The following USP35 variants were observed in gnomAD, a reference collection of about 807,000 sequenced individuals.
USP35 encodes ubiquitin carboxyl-terminal hydrolase 35.
In USP35, 69 loss-of-function variants were observed where a neutral mutation model predicts 83.8. That is an observed-to-expected ratio of 0.82 (90% CI 0.68 to 1.01). The LOEUF (loss-of-function observed/expected upper bound fraction) is 1.01, where lower values mean the gene tolerates loss of function less well. Among genes scored for constraint, USP35 ranks in the 50% least tolerant of loss-of-function variants. The pLI is 0.00. For synonymous variants in USP35, 714 were observed against 589.5 expected (o/e 1.21, Z -3.06); for missense variants, 1,503 against 1,362.5 (o/e 1.10, Z -1.62).
Position 78,215,015 on chromosome 11 carries a change from CAATGTCACAGACCCTCAA to C in USP35, c.*1203_*1220del, listed in dbSNP as rs1197771122. On this transcript the variant is annotated 3_prime_UTR_variant, in exon 11 of 11. Transcript: ENST00000529308. Reference sequence around the variant, plus strand: ...GTGATGGTGGTGTGGAGTTTGGGCCCAATGTCACAGACCCTCAAGATGTCACATCTAAGTGACCTGTGA... The same window carrying C: ...GTGATGGTGGTGTGGAGTTTGGGCCCGATGTCACATCTAAGTGACCTGTGA... Among the ~76,000 whole-genome samples the C allele has an allele frequency of 3.3e-5, 5 of 152,056 alleles. No homozygotes were observed. Among genetic ancestry groups the C allele is most frequent in the Non-Finnish European group, 7.3e-5 (5 of 68,034 alleles).
chr11:78,223,681 G>A, the USP35 span: 2 of 1,583,544 alleles, frequency 1.3e-6, no homozygotes, highest in African/African-American at 1.4e-5. Context: ...CCCTGGCTAG[G>A]GAGAGGAACA....
At chr11:78,225,739 T>C in the USP35 span, among the ~76,000 whole-genome samples, 1 of 152,214 alleles carries the variant, frequency 6.6e-6, no homozygotes, top group Non-Finnish European at 1.5e-5. Context: ...ACAATGACTC[T>C]GCAACTCTAT....
the USP35 span, chr11:78,221,978 A>C: frequency 5.4e-6 from 4 of 734,282 alleles, no homozygotes; most frequent in South Asian, 6.2e-5. Flanking sequence ...AGACATCGAG[A>C]CATGATCAGC....
At chr11:78,192,176 T>A (rs1863025601) in intron 1 of USP35, among the ~76,000 whole-genome samples, 1 of 152,226 alleles carries the variant, frequency 6.6e-6, no homozygotes, top group Non-Finnish European at 1.5e-5. Flanking sequence ...ACCATGACTT[T>A]GAAGCAGAAA....
rs1863620729 is a variant in USP35, at chr11:78,208,864, C to A, written c.1493C>A (p.Ala498Asp). The A allele has an allele frequency of 6.2e-7, 1 of 1,614,160 alleles. No individual in the cohort carries two copies. Among genetic ancestry groups the A allele is most frequent in the East Asian group, 2.2e-5 (1 of 44,878 alleles). Reference sequence around the variant, plus strand: ...TCGCCTGCCTTGTCCTAGCGGCCTGCCATTTCCCCAGAGAACTTCCTCTCC... The same window carrying A: ...TCGCCTGCCTTGTCCTAGCGGCCTGACATTTCCCCAGAGAACTTCCTCTCC... ...FGFLEHSQRP[A>D]ISPENFLSAS... The change falls in exon 9 of 11, where the codon GCC becomes GAC. Residue 498 changes from alanine (A) to aspartate (D), a missense_variant. Physicochemically the swap from Ala to Asp is moderately radical, Grantham distance 126. Coordinates refer to ENST00000529308, the MANE Select transcript of USP35 (RefSeq NM_020798.4).
rs1470114291 is a variant in USP35, at chr11:78,210,139, C to T, written c.2284C>T (p.Leu762=). The T allele has an allele frequency of 2.1e-5, 34 of 1,613,690 alleles. No homozygotes were observed. The highest frequency in any genetic ancestry group is 3.3e-4 in the Middle Eastern group (2 of 6,062). Residue 762 remains leucine, a synonymous_variant, in exon 10 of 11, where the codon CTG becomes TTG. Coordinates refer to ENST00000529308, the MANE Select transcript of USP35 (RefSeq NM_020798.4). The part of the protein sequence containing the change: ...TCGSEGSRSV[L]DLVNYFLSPE... ...TGGCTCTGAGGGCTCCCGCTCCGTC[C>T]TGGACCTGGTTAACTACTTCCTGTC... is the stretch of plus-strand genomic sequence containing the variant.
rs564233462 is a variant in USP35 at position 78,209,668 on chromosome 11, C to T, written c.1813C>T (p.Arg605Cys). The change falls in exon 10 of 11, where the codon CGC (arginine) becomes TGC (cysteine). Residue 605 changes from arginine to cysteine, a missense_variant. Physicochemically the swap from Arg to Cys is radical, Grantham distance 180. Transcript: ENST00000529308. ...DLSLAFPPPE[R>C]CRRRRLGSVM... ...CTCTCTCGCCTTCCCTCCTCCTGAG[C>T]GCTGTCGCCGCCGCCGCCTGGGCTC... 3.4e-5 allele frequency: 55 copies of T among 1,614,000 alleles called. No homozygotes were observed. Among genetic ancestry groups the T allele is most frequent in the African/African-American group, 8.0e-5 (6 of 75,026 alleles).
chr11:78,223,320 C>G, the USP35 span: 7 of 1,084,356 alleles, frequency 6.5e-6, no homozygotes, highest in South Asian at 8.4e-5. Context: ...CAAGTCACAC[C>G]TCTCAAGTCC....
chr11:78,200,317 G>T, intron 5 of USP35, 83 bp downstream of exon 5: 3 of 1,488,362 alleles, frequency 2.0e-6, no homozygotes, highest in Non-Finnish European at 1.9e-6. Context: ...CCTGGTAAGG[G>T]CCCTGCCTGC....
the USP35 span, among the ~76,000 whole-genome samples, chr11:78,226,302 C>G: frequency 6.6e-6 from 1 of 152,302 alleles, no homozygotes; most frequent in East Asian, 1.9e-4. Flanking sequence ...GGAGGACCAA[C>G]TGGTAAGGGA....
At position 78,210,594 on chromosome 11, in the gene USP35, C is replaced by G; in HGVS notation, c.2739C>G (p.Phe913Leu). 1.2e-6 allele frequency: 2 copies of G among 1,614,180 alleles called. No homozygotes were observed. Among genetic ancestry groups the G allele is most frequent in the South Asian group, 2.2e-5 (2 of 91,068 alleles). Residue 913 changes from phenylalanine (F) to leucine (L), a missense_variant, in exon 10 of 11, where the codon TTC becomes TTG. Physicochemically the swap from Phe to Leu is conservative, Grantham distance 22. Transcript: ENST00000529308. ...CTGTCAGCAACGTCACCTCCTTCTT[C>G]CCTAAGGACACAGCCTATGTGCTGT... ...FESVSNVTSF[F>L]PKDTAYVLFY...
intron 1 of USP35, among the ~76,000 whole-genome samples, chr11:78,193,109 G>C (rs371666400): frequency 1.5e-4 from 23 of 152,328 alleles, no homozygotes; most frequent in African/African-American, 5.5e-4. Flanking sequence ...CTGTTTGTGT[G>C]GGGGAGGTTG....
At chr11:78,221,170 C>T in the USP35 span, among the ~76,000 whole-genome samples, 3 of 152,216 alleles carry the variant, frequency 2.0e-5, no homozygotes, top group Non-Finnish European at 4.4e-5. Flanking sequence ...TTGTTGGCTG[C>T]TTTACTGGTT....
rs948578291 is a variant in USP35, at chr11:78,215,087, A to ATCTC, written c.*1276_*1279dup. Among the ~76,000 whole-genome samples, 6 of 152,190 alleles carry ATCTC rather than the reference A, an allele frequency of 3.9e-5. No homozygotes were observed. Among genetic ancestry groups the ATCTC allele is most frequent in the African/African-American group, 1.2e-4 (5 of 41,434 alleles). On this transcript the variant is annotated 3_prime_UTR_variant, in exon 11 of 11. Transcript: ENST00000529308. ...CAGCAGACAGACACGCCCAGAACCCATCTCTAGACGCCTAAGAAAGCTGGA... is the reference window on the plus strand; with the variant it reads ...CAGCAGACAGACACGCCCAGAACCCATCTCTCTCTAGACGCCTAAGAAAGCTGGA...
intron 6 of USP35, among the ~76,000 whole-genome samples, chr11:78,205,202 G>T (rs1008693577): frequency 6.6e-5 from 10 of 152,180 alleles, no homozygotes; most frequent in African/African-American, 2.4e-4. Context: ...CAGACCCCAG[G>T]GATTCACCCA....
chr11:78,196,785 A>C lies in USP35; in HGVS notation c.540A>C (p.Glu180Asp). ...RCLGRFRCPA[E>D]GEEGAVEFLE... ...TCGGCCGCTTCCGCTGCCCAGCCGAAGGCGAGGAGGGCGCCGTGGAGTTCC... is the reference window on the plus strand; with the variant it reads ...TCGGCCGCTTCCGCTGCCCAGCCGACGGCGAGGAGGGCGCCGTGGAGTTCC... Residue 180 changes from glutamate (E) to aspartate (D), a missense_variant, in exon 2 of 11, where the codon GAA (glutamate) becomes GAC (aspartate). Transcript: ENST00000529308. The surrounding 1 kb of genome is among the most constrained non-coding windows in gnomAD (Gnocchi z 4.8). The C allele has an allele frequency of 6.5e-7, 1 of 1,533,788 alleles. No individual in the cohort carries two copies. Among genetic ancestry groups the C allele is most frequent in the Non-Finnish European group, 8.7e-7 (1 of 1,145,754 alleles).
chr11:78,209,041 T>TG (rs1223917538), intron 9 of USP35, 78 bp downstream of exon 9: 2 of 1,428,062 alleles, frequency 1.4e-6, no homozygotes, highest in East Asian at 4.6e-5. Context: ...TGAGCTGTGT[T>TG]GCAGCGTCCA....
chr11:78,200,265 G>A (rs747354109), intron 5 of USP35, 31 bp downstream of exon 5: 1 of 1,608,962 alleles, frequency 6.2e-7, no homozygotes, highest in South Asian at 1.1e-5. Context: ...CCCCTGGTGA[G>A]GCCCCTGCCT....
chr11:78,230,563 T>G, the USP35 span, among the ~76,000 whole-genome samples: 1 of 152,244 alleles, frequency 6.6e-6, no homozygotes, highest in Non-Finnish European at 1.5e-5. Flanking sequence ...GTTATTCAGG[T>G]CTGTGTCTTT....
Sources: gnomAD v4.1 joint callset for allele counts (sites outside exome capture counted in the v4.1 genomes callset) on GRCh38, gnomAD v4.1.1 for gene constraint, Gnocchi (gnomAD v3.1) non-coding constraint, MANE v1.5 for transcripts, NCBI Gene and HGNC (gene_info 2026-07-23, HGNC 2026-07-21) for gene names.